Variants in KBTBD11 observed in about 807,000 individuals in gnomAD.
KBTBD11 encodes kelch repeat and BTB domain-containing protein 11.
For synonymous variants in KBTBD11, 747 were observed against 499.0 expected, an observed-to-expected ratio of 1.50 and a Z score of -6.63; for missense variants, 1,390 against 1,001.8, an observed-to-expected ratio of 1.39 and a Z score of -5.23.
At position 2,005,511 on chromosome 8, in the gene KBTBD11, A is replaced by G. The variant is rs1476124863; in HGVS notation, c.*2447A>G. The G allele has an allele frequency of 6.0e-6, 1 of 166,956 alleles. No homozygotes were observed. Among genetic ancestry groups the G allele is most frequent in the Non-Finnish European group, 1.5e-5 (1 of 68,122 alleles). 10.3% of individuals were successfully genotyped at this position (166,956 alleles called of 1,614,324 possible). ...CCACACCCTCCAAGGTGTGGCTTTC[A>G]TTTTGGGACTGCTGCAGGGAGGGCA... On this transcript the variant is annotated 3_prime_UTR_variant, in exon 2 of 2. Transcript: ENST00000320248.
chr8:1,974,351 C>T, intron 1 of KBTBD11: 1 of 984,766 alleles, frequency 1.0e-6, no homozygotes, highest in Non-Finnish European at 1.2e-6. Flanking sequence ...GCCGAGGGTC[C>T]CGCCGCCCCA....
rs553981529 is a variant in KBTBD11 at position 1,990,266 on chromosome 8, C to G, written c.-908-10019C>G. ...TGGGTAGATGCTGGGCCTTGGCGCCCTGTCTGGGTAGATGCTGCTGGGCCT... is the reference window on the plus strand; with the variant it reads ...TGGGTAGATGCTGGGCCTTGGCGCCGTGTCTGGGTAGATGCTGCTGGGCCT... On this transcript the variant is annotated intron_variant, in intron 1 of 1. Transcript: ENST00000320248. Among the ~76,000 whole-genome samples, 80 of 142,244 alleles carry G rather than the reference C, an allele frequency of 5.6e-4. 1 individual carries two copies. Among genetic ancestry groups the G allele is most frequent in the African/African-American group, 2.0e-3 (77 of 37,792 alleles). 93.3% of individuals were successfully genotyped at this position (142,244 alleles called of 152,430 possible).
At chr8:1,982,199 A>C (rs1422377281) in intron 1 of KBTBD11, among the ~76,000 whole-genome samples, 2 of 152,226 alleles carry the variant, frequency 1.3e-5, no homozygotes, top group East Asian at 1.9e-4. Flanking sequence ...TGTTACAACT[A>C]TAAGGTATTT....
At position 2,001,696 on chromosome 8, in the gene KBTBD11, C is replaced by G. The variant is rs776587521; in HGVS notation, c.504C>G (p.Arg168=). The G allele has an allele frequency of 1.1e-5, 16 of 1,434,232 alleles. No individual in the cohort carries two copies. In the South Asian group the frequency reaches 2.1e-4, roughly 19 times the overall value. 88.8% of individuals were successfully genotyped at this position (1,434,232 alleles called of 1,614,324 possible). The change falls in exon 2 of 2, where the codon CGC becomes CGG. Residue 168 remains arginine, a synonymous_variant. Coordinates refer to ENST00000320248, the MANE Select transcript of KBTBD11 (RefSeq NM_014867.3). ...LAARSDYFRA[R]ASRDVLRVQG... ...CGCGCAGCGACTACTTCCGCGCGCGCGCGTCGCGGGACGTGCTGCGGGTGC... is the reference window on the plus strand; with the variant it reads ...CGCGCAGCGACTACTTCCGCGCGCGGGCGTCGCGGGACGTGCTGCGGGTGC...
At chr8:1,993,331 A>T in intron 1 of KBTBD11, among the ~76,000 whole-genome samples, 1 of 151,884 alleles carries the variant, frequency 6.6e-6, no homozygotes, top group Non-Finnish European at 1.5e-5. Context: ...CTATCCATCC[A>T]GTCGCCCATC....
At position 2,001,547 on chromosome 8, in the gene KBTBD11, T is replaced by G. The variant is rs1255966746; in HGVS notation, c.355T>G (p.Ser119Ala). 38 of 1,432,734 alleles carry G rather than the reference T, an allele frequency of 2.7e-5. No homozygotes were observed. Among genetic ancestry groups the G allele is most frequent in the Non-Finnish European group, 3.3e-5 (36 of 1,098,840 alleles). 88.8% of individuals were successfully genotyped at this position (1,432,734 alleles called of 1,614,324 possible). ...EPRVWLEDPA[S>A]PEEPGEPAPV... ...GCGCGTTTGGCTTGAGGACCCCGCG[T>G]CCCCCGAGGAGCCCGGGGAGCCCGC... The change falls in exon 2 of 2, where the codon TCC (serine) becomes GCC (alanine). Residue 119 changes from serine to alanine, a missense_variant. By Grantham distance (99) the Ser-to-Ala change is moderately conservative (BLOSUM62 1). Coordinates refer to ENST00000320248, the MANE Select transcript of KBTBD11 (RefSeq NM_014867.3).
chr8:1,995,635 G>T (rs1817109099), intron 1 of KBTBD11, among the ~76,000 whole-genome samples: 1 of 152,148 alleles, frequency 6.6e-6, no homozygotes, highest in Non-Finnish European at 1.5e-5. Flanking sequence ...CTGCCCAGAA[G>T]CTGTGGGCCT....
Position 2,001,871 on chromosome 8 carries a change from G to A in KBTBD11, c.679G>A (p.Val227Met), listed in dbSNP as rs778314679. Residue 227 changes from valine to methionine, a missense_variant, in exon 2 of 2, where the codon GTG becomes ATG. Physicochemically the swap from Val to Met is conservative, Grantham distance 21 (BLOSUM62 1). Coordinates refer to ENST00000320248, the MANE Select transcript of KBTBD11 (RefSeq NM_014867.3). ...PGAAQRATDA[V>M]GPQLSLANCY... is the part of the protein sequence containing the mutation. The stretch of plus-strand genomic sequence containing the variant: ...CGCCGCGCAGCGCGCCACCGACGCC[G>A]TGGGGCCGCAGCTGAGCCTGGCCAA... 10 of 1,328,928 alleles carry A rather than the reference G, an allele frequency of 7.5e-6. No individual in the cohort carries two copies. The Admixed American group carries it at 2.3e-4, about 30-fold the overall frequency. The allele number at this position is 1,328,928 out of a possible 1,614,324, so 82.3% of individuals were successfully genotyped here. A position where few individuals can be genotyped will look rare whatever the true frequency, so the allele number is the denominator to read the frequency against.
At chr8:1,989,543 C>G (rs1284805274) in intron 1 of KBTBD11, among the ~76,000 whole-genome samples, 1 of 152,194 alleles carries the variant, frequency 6.6e-6, no homozygotes, top group Non-Finnish European at 1.5e-5. Flanking sequence ...GATGGAGTCA[C>G]TAAGCTCCAT....
intron 1 of KBTBD11, among the ~76,000 whole-genome samples, chr8:1,982,386 A>G (rs577489276): frequency 6.6e-6 from 1 of 152,332 alleles, no homozygotes; most frequent in African/African-American, 2.4e-5. Flanking sequence ...GAAAATGGGA[A>G]TAGTAAGTTC....
At chr8:1,987,441 T>G (rs536598390) in intron 1 of KBTBD11, among the ~76,000 whole-genome samples, 1 of 152,224 alleles carries the variant, frequency 6.6e-6, no homozygotes, top group East Asian at 1.9e-4. Context: ...CCAAGACTGA[T>G]CATATTACTG....
chr8:1,979,989 C>G (rs1018423085), intron 1 of KBTBD11, among the ~76,000 whole-genome samples: 5 of 152,206 alleles, frequency 3.3e-5, no homozygotes, highest in African/African-American at 1.2e-4. Flanking sequence ...AGTGCCCAGT[C>G]TCACTTTGTG....
In KBTBD11 at chr8:2,003,153, C is replaced by T. The variant is rs951916555; in HGVS notation, c.*89C>T. ...CGCGGAGGAGGACGTGGTGGGGAGTCGGGGCCGCTGGCCACGCTGGTGGTT... is the reference window on the plus strand; with the variant it reads ...CGCGGAGGAGGACGTGGTGGGGAGTTGGGGCCGCTGGCCACGCTGGTGGTT... On this transcript the variant is annotated 3_prime_UTR_variant, in exon 2 of 2. Coordinates refer to ENST00000320248, the MANE Select transcript of KBTBD11 (RefSeq NM_014867.3). The T allele has an allele frequency of 1.4e-5, 17 of 1,246,008 alleles. No individual in the cohort carries two copies. In the South Asian group the frequency reaches 4.0e-4, roughly 29 times the overall value. 77.2% of individuals were successfully genotyped at this position (1,246,008 alleles called of 1,614,324 possible). A position where few individuals can be genotyped will look rare whatever the true frequency, so the allele number is the denominator to read the frequency against.
intron 1 of KBTBD11, among the ~76,000 whole-genome samples, chr8:1,992,867 C>G (rs1816969804): frequency 1.3e-5 from 2 of 151,864 alleles, no homozygotes. Context: ...TGAGCCCCTA[C>G]TTGGAGCTGT....
At chr8:1,987,725 TTTATTATTA>T (rs10628962) in intron 1 of KBTBD11, among the ~76,000 whole-genome samples, 2 of 149,252 alleles carry the variant, frequency 1.3e-5, no homozygotes, top group African/African-American at 2.5e-5. Flanking sequence ...TTTTGGAGCC[TTTATTATTA>T]TTATTATTAT....
Position 2,003,151 on chromosome 8 carries a change from G to T in KBTBD11, c.*87G>T, listed in dbSNP as rs1328766216. ...CCCGCGGAGGAGGACGTGGTGGGGA[G>T]TCGGGGCCGCTGGCCACGCTGGTGG... On this transcript the variant is annotated 3_prime_UTR_variant, in exon 2 of 2. Coordinates refer to ENST00000320248, the MANE Select transcript of KBTBD11 (RefSeq NM_014867.3). 8.0e-7 allele frequency: 1 copy of T among 1,246,740 alleles called. No individual in the cohort carries two copies. Among genetic ancestry groups the T allele is most frequent in the South Asian group, 4.0e-5 (1 of 25,246 alleles). 77.2% of individuals were successfully genotyped at this position (1,246,740 alleles called of 1,614,324 possible).
intron 1 of KBTBD11, among the ~76,000 whole-genome samples, chr8:1,988,686 A>T (rs1816779234): frequency 6.6e-6 from 1 of 152,160 alleles, no homozygotes; most frequent in Non-Finnish European, 1.5e-5. Flanking sequence ...AATCCATTCA[A>T]ACGTGTGCAG....
intron 1 of KBTBD11, among the ~76,000 whole-genome samples, chr8:1,983,553 G>C (rs1292780496): frequency 6.6e-6 from 1 of 152,138 alleles, no homozygotes; most frequent in Non-Finnish European, 1.5e-5. Context: ...TCTGCTTTTG[G>C]TCTTCACTAG....
intron 1 of KBTBD11, among the ~76,000 whole-genome samples, chr8:1,981,198 A>C (rs1322584808): frequency 6.6e-6 from 1 of 152,332 alleles, no homozygotes; most frequent in South Asian, 2.1e-4. Context: ...AAAGGCTGTC[A>C]TTTAGAAATG....
Sources: allele counts gnomAD v4.1 joint callset (sites outside exome capture counted in the v4.1 genomes callset), GRCh38; gene constraint gnomAD v4.1.1; transcripts MANE v1.5; gene names NCBI Gene and HGNC (gene_info 2026-07-23, HGNC 2026-07-21).